RARB: variants seen among roughly 807,000 people sequenced by gnomAD.
RARB encodes retinoic acid receptor beta.
A neutral mutation model predicts 51.9 loss-of-function variants in RARB; 17 were observed. The ratio of observed to expected loss-of-function variants is 0.33; its 90% CI spans 0.22 to 0.49. The LOEUF (loss-of-function observed/expected upper bound fraction) is 0.49. Ranked by LOEUF, RARB falls within the 20% of genes least tolerant of loss-of-function variation. The probability of loss-of-function intolerance (pLI) is 0.99; values close to 1 mark genes in which losing one functional copy is unlikely to be tolerated. For synonymous variants in RARB, 215 were observed against 195.4 expected (o/e 1.10, Z -0.84); for missense variants, 369 against 550.8 (o/e 0.67, Z 3.30).
At chr3:25,469,478 C>T (rs899356072) in intron 2 of RARB, among the ~76,000 whole-genome samples, 1 of 152,136 alleles carries the variant, frequency 6.6e-6, no homozygotes, top group African/African-American at 2.4e-5. Context: ...ATAACAAAAA[C>T]AGGACACTCT....
intron 5 of RARB, among the ~76,000 whole-genome samples, chr3:25,300,832 T>C (rs942255534): frequency 1.3e-5 from 2 of 151,460 alleles, no homozygotes; most frequent in Admixed American, 1.3e-4. Context: ...TCTACTAAAA[T>C]AAAATAAAAA....
chr3:25,478,767 G>A lies in RARB; in HGVS notation c.306+17426G>A, dbSNP rs540800136. Among the ~76,000 whole-genome samples, 27 of 152,316 alleles carry A rather than the reference G, an allele frequency of 1.8e-4. 1 individual carries two copies. The East Asian group carries it at 5.0e-3, about 28-fold the overall frequency. ...AGACCGCAAGCTGATCTCTCAGGGAGTGGTCTCAAGTTCAGGCCCCCTGCT... is the reference window on the plus strand; with the variant it reads ...AGACCGCAAGCTGATCTCTCAGGGAATGGTCTCAAGTTCAGGCCCCCTGCT... On this transcript the variant is annotated intron_variant, in intron 2 of 7. Transcript: ENST00000330688.
chr3:24,967,971 C>T (rs1198334571), intron 2 of RARB, among the ~76,000 whole-genome samples: 2 of 152,128 alleles, frequency 1.3e-5, no homozygotes, highest in African/African-American at 4.8e-5. Flanking sequence ...CGGAAGCAAG[C>T]ATAACAGACA....
intron 2 of RARB, among the ~76,000 whole-genome samples, chr3:24,973,494 A>G (rs753581568): frequency 3.3e-5 from 5 of 152,006 alleles, no homozygotes; most frequent in South Asian, 4.1e-4. Flanking sequence ...TTTTGTTTCT[A>G]TGGAGAATAT....
intron 1 of RARB, among the ~76,000 whole-genome samples, chr3:24,849,811 C>A (rs1343567352): frequency 2.0e-5 from 3 of 152,164 alleles, no homozygotes; most frequent in African/African-American, 7.2e-5. Flanking sequence ...GGTGGAAATT[C>A]TGTGGTTTTG....
chr3:25,214,294 T>A (rs1701767930), intron 5 of RARB, among the ~76,000 whole-genome samples: 1 of 152,126 alleles, frequency 6.6e-6, no homozygotes, highest in Non-Finnish European at 1.5e-5. Flanking sequence ...TTTGAGCGAT[T>A]AACTTGAGCA....
At chr3:24,960,789 G>A (rs965356451) in intron 2 of RARB, among the ~76,000 whole-genome samples, 1 of 151,330 alleles carries the variant, frequency 6.6e-6, no homozygotes, top group Admixed American at 6.6e-5. Context: ...TTGGTGTGTC[G>A]CATTGACACT....
At chr3:25,160,954 A>G (rs1442388065) in intron 4 of RARB, among the ~76,000 whole-genome samples, 1 of 152,026 alleles carries the variant, frequency 6.6e-6, no homozygotes, top group Non-Finnish European at 1.5e-5. Context: ...TCCCTCTTGT[A>G]AGAATCCCTG....
chr3:25,173,490 A>G (rs1700682182), intron 4 of RARB, among the ~76,000 whole-genome samples: 1 of 152,180 alleles, frequency 6.6e-6, no homozygotes. Context: ...GTGATACATA[A>G]TATTTTACTA....
intron 2 of RARB, among the ~76,000 whole-genome samples, chr3:24,953,906 A>C (rs1343910990): frequency 6.6e-6 from 1 of 152,214 alleles, no homozygotes; most frequent in African/African-American, 2.4e-5. Flanking sequence ...AACAGTGGAC[A>C]CAGGACCACT....
chr3:25,210,919 T>C (rs1408263512), intron 5 of RARB, among the ~76,000 whole-genome samples: 2 of 152,152 alleles, frequency 1.3e-5, no homozygotes, highest in African/African-American at 2.4e-5. Flanking sequence ...TATTTTTTAA[T>C]GTTGATATGG....
intron 1 of RARB, among the ~76,000 whole-genome samples, chr3:24,843,404 C>CT (rs1273421596): frequency 6.6e-6 from 1 of 152,176 alleles, no homozygotes; most frequent in Non-Finnish European, 1.5e-5. Flanking sequence ...AGAAAAGGTA[C>CT]TTCATTGCCC....
chr3:25,204,220 C>A (rs528944941), intron 5 of RARB, among the ~76,000 whole-genome samples: 1 of 152,318 alleles, frequency 6.6e-6, no homozygotes, highest in South Asian at 2.1e-4. Context: ...TTGATCGAAT[C>A]AGCTACTGAA....
Position 25,593,697 on chromosome 3 carries a change from A to C in RARB, c.981A>C (p.Leu327Phe). The C allele has an allele frequency of 6.2e-7, 1 of 1,613,922 alleles. No individual in the cohort carries two copies. Among genetic ancestry groups the C allele is most frequent in the Non-Finnish European group, 8.5e-7 (1 of 1,179,806 alleles). ...TETGLLSAIC[L>F]ICGDRQDLEE... ...CAGGCCTTCTCAGTGCCATCTGCTT[A>C]ATCTGTGGAGGTACCAACTATGTAG... Residue 327 changes from leucine to phenylalanine, a missense_variant, in exon 6 of 8, where the codon TTA becomes TTC. Around this residue, in one of 9 missense-constraint regions of RARB, gnomAD observed 76 missense variants for 153.3 expected, o/e 0.50. Coordinates refer to ENST00000330688, the MANE Select transcript of RARB (RefSeq NM_000965.5).
chr3:25,441,740 C>G (rs571257300), intron 1 of RARB, among the ~76,000 whole-genome samples: 2 of 152,274 alleles, frequency 1.3e-5, no homozygotes. Flanking sequence ...TACCAGGTTT[C>G]TTTTCTGTGT....
At chr3:25,482,886 A>G (rs1696302796) in intron 2 of RARB, among the ~76,000 whole-genome samples, 1 of 152,162 alleles carries the variant, frequency 6.6e-6, no homozygotes. Context: ...TAATTTTACT[A>G]ATATACATTA....
chr3:25,162,985 G>C (rs1330126506), intron 4 of RARB, among the ~76,000 whole-genome samples: 1 of 152,160 alleles, frequency 6.6e-6, no homozygotes, highest in Non-Finnish European at 1.5e-5. Flanking sequence ...TTAACTTTTT[G>C]AGGACCTGCC....
chr3:25,216,542 A>G (rs1252084285), intron 5 of RARB, among the ~76,000 whole-genome samples: 2 of 151,590 alleles, frequency 1.3e-5, no homozygotes, highest in Admixed American at 1.3e-4. Flanking sequence ...CATTGAGAAC[A>G]CATAGACACA....
intron 3 of RARB, among the ~76,000 whole-genome samples, chr3:25,521,257 C>T (rs895235508): frequency 6.6e-6 from 1 of 152,176 alleles, no homozygotes; most frequent in African/African-American, 2.4e-5. Context: ...ACTTCCCCGG[C>T]CTACTTAGCT....
Sources: allele counts gnomAD v4.1 joint callset (sites outside exome capture counted in the v4.1 genomes callset), GRCh38; gene constraint gnomAD v4.1.1; regional missense constraint gnomAD v4.1.1; transcripts MANE v1.5; gene names NCBI Gene and HGNC (gene_info 2026-07-23, HGNC 2026-07-21).